LRATD1: variants seen among roughly 807,000 people sequenced by gnomAD.
LRATD1 encodes protein LRATD1.
LRATD1 carries 8 observed loss-of-function variants against 21.3 expected under a neutral mutation model. The ratio of observed to expected loss-of-function variants is 0.38; its 90% confidence interval spans 0.22 to 0.68. LRATD1 has a LOEUF of 0.68. Ranked by LOEUF, LRATD1 falls within the 30% of genes least tolerant of loss-of-function variation. The pLI is 0.54. For synonymous variants in LRATD1, 210 were observed against 186.2 expected, an observed-to-expected ratio of 1.13 and a Z score of -1.04; for missense variants, 380 against 404.0, an observed-to-expected ratio of 0.94 and a Z score of 0.51.
At chr2:14,649,517 C>T in intron 5 of LRATD1, 1 of 377,936 alleles carries the variant, frequency 2.6e-6, no homozygotes, top group Non-Finnish European at 5.3e-6. Context: ...GAGATCCCAC[C>T]CAAGCTTTCT....
At chr2:14,649,033 A>T (rs993584465) in intron 4 of LRATD1, among the ~76,000 whole-genome samples, 2 of 152,150 alleles carry the variant, frequency 1.3e-5, no homozygotes, top group African/African-American at 2.4e-5. Flanking sequence ...TCTCAAGTGG[A>T]GCTTGAAAAG....
In LRATD1 at chr2:14,633,811, C is replaced by T; in HGVS notation, c.-36-133C>T. The T allele has an allele frequency of 2.2e-6, 2 of 902,758 alleles. No individual in the cohort carries two copies. Among genetic ancestry groups the T allele is most frequent in the Non-Finnish European group, 1.7e-6 (1 of 604,936 alleles). The allele number at this position is 902,758 out of a possible 1,614,324, so 55.9% of individuals were successfully genotyped here. On this transcript the variant is annotated intron_variant, in intron 1 of 1. Transcript: ENST00000295092. The surrounding 1 kb of genome is among the most constrained non-coding windows in gnomAD (Gnocchi z 7.5). ...CCCTGGGGAGGCACGGAGGACTCGGCTGGAAAGGGTGACTCCGGTGAGGGC... is the reference window on the plus strand; with the variant it reads ...CCCTGGGGAGGCACGGAGGACTCGGTTGGAAAGGGTGACTCCGGTGAGGGC...
rs544194083 is a variant in LRATD1 at position 14,634,847 on chromosome 2, G to C, written c.868G>C (p.Asp290His). The change falls in exon 2 of 2, where the codon GAC becomes CAC. Residue 290 changes from aspartate (D) to histidine (H), a missense_variant. Asp to His is a moderately conservative substitution (Grantham distance 81). Coordinates refer to ENST00000295092, the MANE Select transcript of LRATD1 (RefSeq NM_145175.4). ...VLQELADLVDDKE is the reference protein window; with the variant it reads ...VLQELADLVDHKE ...CCAGGAGCTCGCCGACCTCGTGGAC[G>C]ACAAGGAGTAGCCGCCTAGGGGCTG... The C allele has an allele frequency of 4.3e-6, 7 of 1,609,240 alleles. No homozygotes were observed. The highest frequency in any genetic ancestry group is 1.1e-5 in the South Asian group (1 of 90,810).
intron 4 of LRATD1, among the ~76,000 whole-genome samples, chr2:14,646,992 C>T (rs1671907198): frequency 6.6e-6 from 1 of 152,194 alleles, no homozygotes; most frequent in Non-Finnish European, 1.5e-5. Flanking sequence ...TGGGAAAGGA[C>T]ATTGGACTTG....
In LRATD1 at chr2:14,637,659, C is replaced by A. The variant is rs986694283; in HGVS notation, c.*2801C>A. 6.0e-6 allele frequency: 1 copy of A among 167,006 alleles called. No individual in the cohort carries two copies. Among genetic ancestry groups the A allele is most frequent in the Non-Finnish European group, 1.5e-5 (1 of 68,106 alleles). The allele number at this position is 167,006 out of a possible 1,614,324, so 10.3% of individuals were successfully genotyped here. ...TGACAGAATAATTTGAGTGATAGTT[C>A]ATCATGCAGAGGATATGATCAAGAT... On this transcript the variant is annotated 3_prime_UTR_variant, in exon 2 of 2. Coordinates refer to ENST00000295092, the MANE Select transcript of LRATD1 (RefSeq NM_145175.4).
In LRATD1 at chr2:14,639,152, T is replaced by C. The variant is rs895981690; in HGVS notation, c.*4294T>C. Reference sequence around the variant, plus strand: ...CAGGCTACTTAAAATAGAGAGTGACTTGAGATATACAAAAACAGGAAGAAA... The same window carrying C: ...CAGGCTACTTAAAATAGAGAGTGACCTGAGATATACAAAAACAGGAAGAAA... On this transcript the variant is annotated 3_prime_UTR_variant, in exon 2 of 2. Transcript: ENST00000295092. The C allele has an allele frequency of 7.2e-5, 12 of 166,382 alleles. No homozygotes were observed. The highest frequency in any genetic ancestry group is 1.6e-4 in the Non-Finnish European group (11 of 67,926). The allele number at this position is 166,382 out of a possible 1,614,324, so 10.3% of individuals were successfully genotyped here.
In LRATD1 at chr2:14,634,993, C is replaced by T. The variant is rs1176353819; in HGVS notation, c.*135C>T. 3 of 1,238,076 alleles carry T rather than the reference C, an allele frequency of 2.4e-6. No homozygotes were observed. The Admixed American group carries it at 6.9e-5, about 28-fold the overall frequency. 76.7% of individuals were successfully genotyped at this position (1,238,076 alleles called of 1,614,324 possible). On this transcript the variant is annotated 3_prime_UTR_variant, in exon 2 of 2. Coordinates refer to ENST00000295092, the MANE Select transcript of LRATD1 (RefSeq NM_145175.4). Reference sequence around the variant, plus strand: ...GCGCGTCCGCCGCCGGTGGCCCGGGCCCGGGCTGCACCCCCGCATCCCCAA... The same window carrying T: ...GCGCGTCCGCCGCCGGTGGCCCGGGTCCGGGCTGCACCCCCGCATCCCCAA...
Position 14,636,074 on chromosome 2 carries a change from G to A in LRATD1, c.*1216G>A, listed in dbSNP as rs1242651033. 2 of 188,144 alleles carry A rather than the reference G, an allele frequency of 1.1e-5. No individual in the cohort carries two copies. Among genetic ancestry groups the A allele is most frequent in the Non-Finnish European group, 2.5e-5 (2 of 79,360 alleles). The allele number at this position is 188,144 out of a possible 1,614,324, so 11.7% of individuals were successfully genotyped here. On this transcript the variant is annotated 3_prime_UTR_variant, in exon 2 of 2. Coordinates refer to ENST00000295092, the MANE Select transcript of LRATD1 (RefSeq NM_145175.4). Reference sequence around the variant, plus strand: ...AATCCATGATAGTTTAAATACTGGGGGCCATTAAGAGTGGATGTAGCTAAG... The same window carrying A: ...AATCCATGATAGTTTAAATACTGGGAGCCATTAAGAGTGGATGTAGCTAAG...
chr2:14,641,705 A>G (rs1671807848), downstream of LRATD1, among the ~76,000 whole-genome samples: 5 of 152,106 alleles, frequency 3.3e-5, no homozygotes, highest in Admixed American at 3.3e-4. Context: ...TTCAACTCTC[A>G]GCTTATACTT....
chr2:14,637,469 T>C lies in LRATD1; in HGVS notation c.*2611T>C, dbSNP rs544705527. ...AGCTGGGCAGTTAAATTAGCATTTGTTACTATATTGGCCTATAAAGGATCA... is the reference window on the plus strand; with the variant it reads ...AGCTGGGCAGTTAAATTAGCATTTGCTACTATATTGGCCTATAAAGGATCA... On this transcript the variant is annotated 3_prime_UTR_variant, in exon 2 of 2. Transcript: ENST00000295092. The C allele has an allele frequency of 4.8e-5, 8 of 167,144 alleles. No individual in the cohort carries two copies. The highest frequency in any genetic ancestry group is 1.9e-4 in the African/African-American group (8 of 41,594). The allele number at this position is 167,144 out of a possible 1,614,324, so 10.4% of individuals were successfully genotyped here. A position where few individuals can be genotyped will look rare whatever the true frequency, so the allele number is the denominator to read the frequency against.
intron 2 of LRATD1, among the ~76,000 whole-genome samples, chr2:14,645,779 T>C (rs190941569): frequency 4.6e-5 from 7 of 152,206 alleles, no homozygotes; most frequent in Non-Finnish European, 8.8e-5. Context: ...TCATATTTGC[T>C]TATAAAGATG....
downstream of LRATD1, among the ~76,000 whole-genome samples, chr2:14,643,786 A>G (rs1446290418): frequency 6.6e-6 from 1 of 152,164 alleles, no homozygotes; most frequent in Admixed American, 6.5e-5. Flanking sequence ...ACATTTAATG[A>G]TCATGCCGTC....
intron 3 of LRATD1, chr2:14,646,383 G>A (rs1235056923): frequency 6.6e-6 from 1 of 152,096 alleles, no homozygotes; most frequent in Non-Finnish European, 1.5e-5. Context: ...AGATTCTTTT[G>A]TTTTTCATCC....
At chr2:14,645,127 A>T (rs1671872124) in intron 2 of LRATD1, among the ~76,000 whole-genome samples, 3 of 152,210 alleles carry the variant, frequency 2.0e-5, no homozygotes, top group African/African-American at 7.2e-5. Flanking sequence ...GAAGAAAAAC[A>T]AATCTGAGCC....
At chr2:14,641,506 C>T (rs934438069), downstream of LRATD1, among the ~76,000 whole-genome samples, 1 of 152,122 alleles carries the variant, frequency 6.6e-6, no homozygotes, top group Non-Finnish European at 1.5e-5. Flanking sequence ...TGGATTGTCA[C>T]TTTACACCTG....
downstream of LRATD1, among the ~76,000 whole-genome samples, chr2:14,640,672 TTCA>T (rs1195284099): frequency 6.6e-6 from 1 of 152,212 alleles, no homozygotes; most frequent in African/African-American, 2.4e-5. Flanking sequence ...TTATTCTAAA[TTCA>T]GTTATTTTCC....
chr2:14,642,180 C>A (rs1313728263), downstream of LRATD1: 1 of 152,568 alleles, frequency 6.6e-6, no homozygotes, highest in African/African-American at 2.4e-5. Flanking sequence ...CCTTAAGAAT[C>A]ATACAGTAGA....
rs1671678358 is a variant in LRATD1 at position 14,635,864 on chromosome 2, T to C, written c.*1006T>C. 1 of 339,928 alleles carries C rather than the reference T, an allele frequency of 2.9e-6. No homozygotes were observed. Among genetic ancestry groups the C allele is most frequent in the African/African-American group, 2.2e-5 (1 of 46,382 alleles). The allele number at this position is 339,928 out of a possible 1,614,324, so 21.1% of individuals were successfully genotyped here. On this transcript the variant is annotated 3_prime_UTR_variant, in exon 2 of 2. Coordinates refer to ENST00000295092, the MANE Select transcript of LRATD1 (RefSeq NM_145175.4). ...AGCATTGTTACAACACCATAGCCAG[T>C]ATATTTAGTTTGGCTTTTCCTAACA...
At chr2:14,641,315 C>T (rs1030485620), downstream of LRATD1, among the ~76,000 whole-genome samples, 7 of 152,070 alleles carry the variant, frequency 4.6e-5, no homozygotes, top group Non-Finnish European at 1.0e-4. Flanking sequence ...CCCCCATGGT[C>T]GTTGAGAGAG....
Sources: gnomAD v4.1 joint callset for allele counts (sites outside exome capture counted in the v4.1 genomes callset) on GRCh38, gnomAD v4.1.1 for gene constraint, Gnocchi (gnomAD v3.1) non-coding constraint, MANE v1.5 for transcripts, NCBI Gene and HGNC (gene_info 2026-07-23, HGNC 2026-07-21) for gene names.